The following PDZD9 variants were observed in gnomAD, a reference collection of about 807,000 sequenced individuals.
PDZD9 encodes the protein PDZ domain containing 9, also known as PDZ domain-containing protein 9.
Under a neutral mutation model 16.3 loss-of-function variants are expected in PDZD9, and 13 were observed. The observed-to-expected ratio is 0.80, with a 90% CI of 0.52 to 1.27. PDZD9 has a LOEUF of 1.27. Among genes scored for constraint, PDZD9 ranks in the 50% most tolerant of loss-of-function variants. The pLI is 0.00. For missense variants in PDZD9, 288 were observed against 310.9 expected, an observed-to-expected ratio of 0.93 and a Z score of 0.55; for synonymous variants, 120 against 111.0, an observed-to-expected ratio of 1.08 and a Z score of -0.51.
intron 3 of PDZD9, among the ~76,000 whole-genome samples, chr16:21,987,134 A>C (rs900936670): frequency 6.6e-6 from 1 of 152,176 alleles, no homozygotes; most frequent in Non-Finnish European, 1.5e-5. Context: ...CAAAAAGATC[A>C]TTCTGGCCAG....
the PDZD9 span, chr16:21,976,213 A>G: frequency 1.2e-6 from 2 of 1,614,020 alleles, no homozygotes; most frequent in Non-Finnish European, 1.7e-6. Flanking sequence ...GCTCAAGGAA[A>G]CCTTTCCAAC....
At chr16:21,961,830 TC>T in the PDZD9 span, among the ~76,000 whole-genome samples, 1 of 151,368 alleles carries the variant, frequency 6.6e-6, no homozygotes, top group Non-Finnish European at 1.5e-5. Flanking sequence ...TTTTGTATTT[TC>T]AGTAGAGACC....
chr16:21,980,661 T>G (rs1307369812), downstream of PDZD9: 1 of 1,614,178 alleles, frequency 6.2e-7, no homozygotes, highest in Non-Finnish European at 8.5e-7. Context: ...CCACAGTCCT[T>G]CAGCAGATTG....
the PDZD9 span, among the ~76,000 whole-genome samples, chr16:21,966,682 C>G: frequency 1.3e-5 from 2 of 152,220 alleles, no homozygotes; most frequent in Non-Finnish European, 2.9e-5. Context: ...TTTTAACTTA[C>G]ATCATCCAAC....
intron 3 of PDZD9, among the ~76,000 whole-genome samples, 156 bp downstream of exon 3, chr16:21,988,446 A>C (rs1368354145): frequency 6.6e-6 from 1 of 152,066 alleles, no homozygotes; most frequent in Non-Finnish European, 1.5e-5. Flanking sequence ...GATCCTACAG[A>C]TCTAATACCA....
chr16:21,968,190 C>T, the PDZD9 span, among the ~76,000 whole-genome samples: 1 of 151,944 alleles, frequency 6.6e-6, no homozygotes, highest in Non-Finnish European at 1.5e-5. Flanking sequence ...TTAGTAGAGT[C>T]AGGATTTCGC....
chr16:21,980,231 T>G, downstream of PDZD9: 1 of 264,612 alleles, frequency 3.8e-6, no homozygotes, highest in Non-Finnish European at 7.4e-6. Flanking sequence ...TCCAGAGGCC[T>G]TGGGAAGCAT....
intron 3 of PDZD9, 151 bp from the exon 4 acceptor site, chr16:21,984,811 T>G: frequency 1.8e-6 from 1 of 571,194 alleles, no homozygotes; most frequent in South Asian, 5.4e-5. Context: ...GTTTCTCTTT[T>G]TTAAATCGTC....
the PDZD9 span, among the ~76,000 whole-genome samples, chr16:21,975,877 G>C: frequency 2.0e-5 from 3 of 152,140 alleles, no homozygotes; most frequent in Non-Finnish European, 4.4e-5. Context: ...GATCACTTGA[G>C]CCCACACATC....
At chr16:21,968,752 C>T in the PDZD9 span, 7 of 1,436,068 alleles carry the variant, frequency 4.9e-6, no homozygotes, top group African/African-American at 1.4e-5. Context: ...ACTGTAATTA[C>T]GTGAACATAG....
chr16:21,976,114 G>T, the PDZD9 span: 10 of 1,278,294 alleles, frequency 7.8e-6, no homozygotes, highest in East Asian at 1.2e-4. Context: ...TGTCAGTGCT[G>T]CAGGAGACTC....
At chr16:22,000,651 C>A (rs149112327) in intron 1 of PDZD9, among the ~76,000 whole-genome samples, 1,762 of 152,102 alleles carry the variant, frequency 0.012, 23 homozygotes, top group Non-Finnish European at 0.018. Flanking sequence ...ATGGTGAAAT[C>A]CCATCTCTAC....
chr16:21,961,178 T>G, the PDZD9 span: 1 of 250,016 alleles, frequency 4.0e-6, no homozygotes, highest in East Asian at 1.1e-4. Flanking sequence ...AGAGAATGTC[T>G]CATTCTGCTG....
At chr16:21,963,951 T>C in the PDZD9 span, among the ~76,000 whole-genome samples, 9 of 152,374 alleles carry the variant, frequency 5.9e-5, no homozygotes, top group African/African-American at 2.2e-4. Flanking sequence ...ATTTTATGTT[T>C]ATATAATGTC....
At chr16:21,960,570 G>T in the PDZD9 span, among the ~76,000 whole-genome samples, 1 of 152,184 alleles carries the variant, frequency 6.6e-6, no homozygotes, top group African/African-American at 2.4e-5. Context: ...GGTGCAAGAG[G>T]CCTAGCTTTT....
the PDZD9 span, chr16:21,963,098 C>T: frequency 2.4e-6 from 1 of 410,530 alleles, no homozygotes. Flanking sequence ...AAGCAATTCT[C>T]CTGCCTCAGC....
At chr16:21,971,260 A>T in the PDZD9 span, among the ~76,000 whole-genome samples, 1 of 152,228 alleles carries the variant, frequency 6.6e-6, no homozygotes, top group Non-Finnish European at 1.5e-5. Flanking sequence ...CAATAGAATG[A>T]TACCATTTTA....
the PDZD9 span, chr16:21,971,570 A>T: frequency 1.9e-6 from 3 of 1,614,072 alleles, no homozygotes; most frequent in African/African-American, 1.3e-5. Context: ...CAGTTTCTCA[A>T]CATGAGGGGT....
chr16:21,965,117 C>T, the PDZD9 span, among the ~76,000 whole-genome samples: 1 of 152,172 alleles, frequency 6.6e-6, no homozygotes, highest in Non-Finnish European at 1.5e-5. Flanking sequence ...AAACCCAGGC[C>T]AGTATACCTT....
Sources: allele counts gnomAD v4.1 joint callset (sites outside exome capture counted in the v4.1 genomes callset), GRCh38; gene constraint gnomAD v4.1.1; transcripts MANE v1.5; gene names NCBI Gene and HGNC (gene_info 2026-07-23, HGNC 2026-07-21).